UTP25: variants seen among roughly 807,000 people sequenced by gnomAD.
The protein encoded by UTP25 is U3 small nucleolar RNA-associated protein 25 homolog.
In UTP25, 50 loss-of-function variants were observed where a neutral mutation model predicts 78.9. The observed-to-expected ratio is 0.63, with a 90% CI of 0.50 to 0.80. The LOEUF (loss-of-function observed/expected upper bound fraction) is 0.80, where lower values mean the gene tolerates loss of function less well. UTP25 is among the 30% of genes least tolerant of loss of function. The pLI is 0.00. For synonymous variants in UTP25, 329 were observed against 336.5 expected, an observed-to-expected ratio of 0.98 and a Z score of 0.24; for missense variants, 846 against 911.3, an observed-to-expected ratio of 0.93 and a Z score of 0.92.
chr1:209,837,249 G>C, intron 6 of UTP25, 38 bp downstream of exon 6: 1 of 1,591,260 alleles, frequency 6.3e-7, no homozygotes, highest in Non-Finnish European at 8.6e-7. Flanking sequence ...CGAGGAGGTG[G>C]CTGCAAGGCA....
At chr1:209,836,577 C>T (rs1431882624) in intron 5 of UTP25, among the ~76,000 whole-genome samples, 1 of 152,224 alleles carries the variant, frequency 6.6e-6, no homozygotes, top group East Asian at 1.9e-4. Flanking sequence ...TAGCCCTCAG[C>T]TCCATTTTCT....
At position 209,843,575 on chromosome 1, in the gene UTP25, T is replaced by C. The variant is rs146851034; in HGVS notation, c.1906T>C (p.Leu636=). The change falls in exon 11 of 12, where the codon TTG becomes CTG. Residue 636 remains leucine (L), a synonymous_variant. Transcript: ENST00000491415. ...TCGAAATTACTTCAAGAAGGAGGAA[T>C]TGAATTTTACCCACATCTGCGAGTA... The part of the protein sequence containing the change: ...RLRNYFKKEE[L]NFTHICEYTQ... The C allele has an allele frequency of 2.5e-5, 41 of 1,614,058 alleles. No homozygotes were observed. The highest frequency in any genetic ancestry group is 3.2e-5 in the Non-Finnish European group (38 of 1,180,030).
chr1:209,829,194 T>C (rs2078088828), intron 1 of UTP25, among the ~76,000 whole-genome samples: 1 of 152,254 alleles, frequency 6.6e-6, no homozygotes, highest in Admixed American at 6.5e-5. Flanking sequence ...GTAATTAGCA[T>C]ATTCATCATC....
At position 209,843,525 on chromosome 1, in the gene UTP25, C is replaced by A; in HGVS notation, c.1856C>A (p.Pro619His). The A allele has an allele frequency of 1.9e-6, 3 of 1,614,148 alleles. No homozygotes were observed. The highest frequency in any genetic ancestry group is 2.5e-6 in the Non-Finnish European group (3 of 1,180,022). Reference sequence around the variant, plus strand: ...ATGTCTCACACGCTCATCTATATCCCCTCCTACTTTGACTTCGTGCGTCTT... The same window carrying A: ...ATGTCTCACACGCTCATCTATATCCACTCCTACTTTGACTTCGTGCGTCTT... Reference protein sequence around the residue: ...AVMSHTLIYIPSYFDFVRLRN... With the variant: ...AVMSHTLIYIHSYFDFVRLRN... The change falls in exon 11 of 12, where the codon CCC becomes CAC. Residue 619 changes from proline (P) to histidine (H), a missense_variant. Physicochemically the swap from Pro to His is moderately conservative, Grantham distance 77. Transcript: ENST00000491415.
In UTP25 at chr1:209,840,871, G is replaced by A. The variant is rs749890732; in HGVS notation, c.1301G>A (p.Arg434Lys). The change falls in exon 8 of 12, where the codon AGA becomes AAA. Residue 434 changes from arginine (R) to lysine (K), a missense_variant. Arg to Lys is a conservative substitution (Grantham distance 26, BLOSUM62 2). Coordinates refer to ENST00000491415, the MANE Select transcript of UTP25 (RefSeq NM_014388.7). ...TGTGTAGGAGTGGCAATACTTCAGA[G>A]AAGCATCCGACTCTATGCCCCGTTT... is the stretch of plus-strand genomic sequence containing the variant. ...HFRIGVAILQ[R>K]SIRLYAPFYS... 2 of 1,612,568 alleles carry A rather than the reference G, an allele frequency of 1.2e-6. No individual in the cohort carries two copies. Among genetic ancestry groups the A allele is most frequent in the Non-Finnish European group, 1.7e-6 (2 of 1,179,860 alleles).
intron 11 of UTP25, among the ~76,000 whole-genome samples, chr1:209,849,585 GC>G (rs1391360333): frequency 1.3e-5 from 2 of 152,060 alleles, no homozygotes; most frequent in African/African-American, 4.8e-5. Context: ...ACGATAATGG[GC>G]CTGGGAAGTA....
At chr1:209,849,734 T>A (rs138428184) in intron 11 of UTP25, among the ~76,000 whole-genome samples, 1 of 152,342 alleles carries the variant, frequency 6.6e-6, no homozygotes, top group Non-Finnish European at 1.5e-5. Context: ...CCTGGGGTCC[T>A]GAAGTCAGGC....
rs1299572515 is a variant in UTP25, at chr1:209,827,979, G to C, written c.-85G>C. On this transcript the variant is annotated 5_prime_UTR_variant, in exon 1 of 12. Coordinates refer to ENST00000491415, the MANE Select transcript of UTP25 (RefSeq NM_014388.7). ...TTGCTTTCGCCGTAAAGCGCAGTCA[G>C]CGAGCCCACGTGCTTGTGTTGACTG... 2.9e-6 allele frequency: 3 copies of C among 1,045,908 alleles called. No individual in the cohort carries two copies. The East Asian group carries it at 7.1e-5, about 25-fold the overall frequency. The allele number at this position is 1,045,908 out of a possible 1,614,324, so 64.8% of individuals were successfully genotyped here. A position where few individuals can be genotyped will look rare whatever the true frequency, so the allele number is the denominator to read the frequency against.
At chr1:209,846,903 C>T (rs1051519660) in intron 11 of UTP25, among the ~76,000 whole-genome samples, 15 of 152,146 alleles carry the variant, frequency 9.9e-5, no homozygotes, top group African/African-American at 3.1e-4. Context: ...GAGGGTATTT[C>T]ACAGTTATTG....
In UTP25 at chr1:209,843,488, C is replaced by T. The variant is rs750896524; in HGVS notation, c.1819C>T (p.Arg607Cys). 2.0e-5 allele frequency: 33 copies of T among 1,614,012 alleles called. No individual in the cohort carries two copies. The highest frequency in any genetic ancestry group is 3.3e-5 in the South Asian group (3 of 91,078). ...TGTGAACAAGATTTTGCCACAGTAT[C>T]GTGATGCAGTCATGTCTCACACGCT... The part of the protein sequence containing the change: ...FFVNKILPQY[R>C]DAVMSHTLIY... Residue 607 changes from arginine to cysteine, a missense_variant, in exon 11 of 12, where the codon CGT (arginine) becomes TGT (cysteine). Transcript: ENST00000491415.
rs2078162163 is a variant in UTP25, at chr1:209,840,743, G to C, written c.1283-110G>C. 28 of 1,008,772 alleles carry C rather than the reference G, an allele frequency of 2.8e-5. No individual in the cohort carries two copies. In the East Asian group the frequency reaches 6.7e-4, roughly 24 times the overall value. 62.5% of individuals were successfully genotyped at this position (1,008,772 alleles called of 1,614,324 possible). On this transcript the variant is annotated intron_variant, in intron 7 of 11. Transcript: ENST00000491415. The stretch of plus-strand genomic sequence containing the variant: ...GTTGAGCACAGTTACATGCTAAGAG[G>C]AACAAAAGAGATGTGGAAGCAATAG...
intron 1 of UTP25, among the ~76,000 whole-genome samples, chr1:209,829,519 C>G (rs1043878403): frequency 2.7e-5 from 4 of 149,066 alleles, no homozygotes; most frequent in East Asian, 1.9e-4. Flanking sequence ...GGTCTCACTT[C>G]GTTGCCCAGG....
chr1:209,829,486 C>CTTTT (rs200092993), intron 1 of UTP25, among the ~76,000 whole-genome samples: 5 of 141,428 alleles, frequency 3.5e-5, no homozygotes, highest in African/African-American at 5.1e-5. Flanking sequence ...CTTTTCTTTT[C>CTTTT]TTTTTTCTTT....
Position 209,853,162 on chromosome 1 carries a change from A to G in UTP25, c.*1715A>G, listed in dbSNP as rs1394207960. On this transcript the variant is annotated 3_prime_UTR_variant, in exon 12 of 12. Coordinates refer to ENST00000491415, the MANE Select transcript of UTP25 (RefSeq NM_014388.7). ...TATTCCATATTTAGATGGTTTTCTA[A>G]ATTTCAGAAAATTTAGTTAGATAAA... is the stretch of plus-strand genomic sequence containing the variant. The G allele has an allele frequency of 6.6e-6, 1 of 152,154 alleles. No homozygotes were observed. The highest frequency in any genetic ancestry group is 2.1e-4 in the South Asian group (1 of 4,822). The allele number at this position is 152,154 out of a possible 1,614,324, so 9.4% of individuals were successfully genotyped here.
intron 11 of UTP25, chr1:209,844,023 T>C (rs2078182143): frequency 8.0e-6 from 2 of 249,968 alleles, no homozygotes; most frequent in Non-Finnish European, 1.5e-5. Flanking sequence ...GGACCTTCCC[T>C]GTATTCACTT....
intron 8 of UTP25, among the ~76,000 whole-genome samples, 177 bp downstream of exon 8, chr1:209,841,232 G>A (rs2078165561): frequency 6.6e-6 from 1 of 152,190 alleles, no homozygotes; most frequent in Non-Finnish European, 1.5e-5. Context: ...TTTCTACCCA[G>A]AGATTGTCCA....
chr1:209,828,170 G>A lies in UTP25; in HGVS notation c.107G>A (p.Arg36Lys), dbSNP rs1394687311. The change falls in exon 1 of 12, where the codon AGG becomes AAG. Residue 36 changes from arginine to lysine, a missense_variant and splice_region_variant. By Grantham distance (26) the Arg-to-Lys change is conservative (BLOSUM62 2). Coordinates refer to ENST00000491415, the MANE Select transcript of UTP25 (RefSeq NM_014388.7). ...GGCGAGGAGCATCCCTTCTATGACA[G>A]GTCTGAAGGGGCGTGGCAGGGCTCC... ...DFGEEHPFYD[R>K]VSRKEAKPQI... 1.2e-6 allele frequency: 2 copies of A among 1,610,780 alleles called. No homozygotes were observed. Among genetic ancestry groups the A allele is most frequent in the East Asian group, 2.2e-5 (1 of 44,862 alleles).
chr1:209,835,012 G>A (rs1391277592), intron 4 of UTP25, 63 bp from the exon 5 acceptor site: 3 of 1,289,764 alleles, frequency 2.3e-6, no homozygotes, highest in East Asian at 2.4e-5. Context: ...TCTTTCACAG[G>A]GGAAGACCAC....
intron 11 of UTP25, among the ~76,000 whole-genome samples, chr1:209,848,123 C>T (rs1288006690): frequency 2.6e-5 from 4 of 152,042 alleles, no homozygotes; most frequent in Non-Finnish European, 5.9e-5. Context: ...CCAATTAAAT[C>T]GCAGTGTCTG....
Sources: allele counts gnomAD v4.1 joint callset (sites outside exome capture counted in the v4.1 genomes callset), GRCh38; gene constraint gnomAD v4.1.1; transcripts MANE v1.5; gene names NCBI Gene and HGNC (gene_info 2026-07-23, HGNC 2026-07-21).